CELF2: variants seen among roughly 807,000 people sequenced by gnomAD.
The protein encoded by CELF2 is CUG triplet repeat RNA-binding protein 2.
Under a neutral mutation model 62.6 loss-of-function variants are expected in CELF2, and 8 were observed. The ratio of observed to expected loss-of-function variants is 0.13; its 90% confidence interval spans 0.07 to 0.23. The LOEUF (loss-of-function observed/expected upper bound fraction) is 0.23, where lower values mean the gene tolerates loss of function less well. CELF2 is among the 10% of genes least tolerant of loss of function. The pLI, the probability that CELF2 is intolerant of heterozygous loss-of-function variation, is 1.00. For synonymous variants in CELF2, 258 were observed against 250.0 expected (o/e 1.03, Z -0.30); for missense variants, 333 against 671.0 (o/e 0.50, Z 5.56).
At chr10:10,482,183 T>C in the CELF2 span, among the ~76,000 whole-genome samples, 2 of 152,236 alleles carry the variant, frequency 1.3e-5, no homozygotes, top group African/African-American at 4.8e-5. Flanking sequence ...ATGCATTTCA[T>C]TGCATGGGGA....
At chr10:11,228,928 C>T (rs2067596394) in intron 3 of CELF2, among the ~76,000 whole-genome samples, 1 of 152,128 alleles carries the variant, frequency 6.6e-6, no homozygotes, top group South Asian at 2.1e-4. Context: ...TGATTTCAGT[C>T]GGTTCTGGTT....
chr10:10,482,043 A>T, the CELF2 span, among the ~76,000 whole-genome samples: 1 of 152,238 alleles, frequency 6.6e-6, no homozygotes, highest in Non-Finnish European at 1.5e-5. Context: ...AAGGGTTAGC[A>T]TGATAGAAAT....
the CELF2 span, among the ~76,000 whole-genome samples, chr10:10,693,295 T>C: frequency 5.9e-5 from 8 of 134,884 alleles, no homozygotes; most frequent in East Asian, 1.7e-3. Flanking sequence ...TGGCTCTGTT[T>C]ATATGCTGGA....
the CELF2 span, among the ~76,000 whole-genome samples, chr10:10,604,473 C>G: frequency 3.9e-5 from 6 of 152,174 alleles, no homozygotes; most frequent in African/African-American, 1.4e-4. Context: ...AGTAATAATT[C>G]TCAGAATCAT....
At chr10:10,674,938 T>C in the CELF2 span, among the ~76,000 whole-genome samples, 1 of 152,136 alleles carries the variant, frequency 6.6e-6, no homozygotes, top group East Asian at 1.9e-4. Context: ...TATAGAAGCA[T>C]ACACACACAG....
intron 1 of CELF2, among the ~76,000 whole-genome samples, chr10:10,859,671 G>A (rs10905848): frequency 3.3e-5 from 5 of 151,968 alleles, no homozygotes; most frequent in African/African-American, 1.2e-4. Context: ...TTTCGAATAA[G>A]TGGTTTATTC....
At chr10:11,096,339 G>T (rs2049866749) in intron 1 of CELF2, 1 of 152,200 alleles carries the variant, frequency 6.6e-6, no homozygotes, top group Admixed American at 6.5e-5. Context: ...AGAGGGAAGG[G>T]AGTCCGTCGT....
rs139340306 is a variant in CELF2 at position 11,218,581 on chromosome 10, C to T, written c.354+1074C>T. On this transcript the variant is annotated intron_variant, in intron 3 of 12. Transcript: ENST00000633077. ...AAGATTTTCACAACATGAGGTTCTT[C>T]ATCACCCAAAAGTCATAAATTAAGA... is the stretch of plus-strand genomic sequence containing the variant. Among the ~76,000 whole-genome samples the T allele has an allele frequency of 2.2e-3, 332 of 152,340 alleles. 1 individual carries two copies. Among genetic ancestry groups the T allele is most frequent in the African/African-American group, 7.7e-3 (320 of 41,582 alleles).
Position 11,242,555 on chromosome 10 carries a change from G to A in CELF2, c.355-6598G>A, listed in dbSNP as rs1200316230. Among the ~76,000 whole-genome samples, 1 of 152,230 alleles carries A rather than the reference G, an allele frequency of 6.6e-6. No individual in the cohort carries two copies. Among genetic ancestry groups the A allele is most frequent in the Non-Finnish European group, 1.5e-5 (1 of 68,032 alleles). On this transcript the variant is annotated intron_variant, in intron 3 of 12. Coordinates refer to ENST00000633077, the MANE Select transcript of CELF2 (RefSeq NM_001326342.2). The surrounding 1 kb of genome is among the most constrained non-coding windows in gnomAD (Gnocchi z 4.8). ...GGCCAGCTTCACGGCGGCACCAGGTGGTGACAGCTGTTGGCAGAGCTGTGT... is the reference window on the plus strand; with the variant it reads ...GGCCAGCTTCACGGCGGCACCAGGTAGTGACAGCTGTTGGCAGAGCTGTGT...
At chr10:10,493,519 CG>C in the CELF2 span, among the ~76,000 whole-genome samples, 16 of 10,306 alleles carry the variant, frequency 1.6e-3, no homozygotes, top group East Asian at 9.9e-3. Flanking sequence ...GGATTTTGGG[CG>C]TTTTTTTTTT....
chr10:10,806,396 G>T (rs537811460), intron 1 of CELF2, among the ~76,000 whole-genome samples: 87 of 152,084 alleles, frequency 5.7e-4, no homozygotes, highest in Non-Finnish European at 1.1e-3. Flanking sequence ...GTAGAGACAG[G>T]GCTTCACCAC....
chr10:10,854,940 C>G (rs1267157301), intron 1 of CELF2, among the ~76,000 whole-genome samples: 2 of 151,918 alleles, frequency 1.3e-5, no homozygotes, highest in East Asian at 3.9e-4. Context: ...ACCTGTCAAG[C>G]CTGGATGAAC....
intron 2 of CELF2, among the ~76,000 whole-genome samples, chr10:11,174,747 T>C (rs924203528): frequency 3.9e-5 from 6 of 152,258 alleles, no homozygotes; most frequent in African/African-American, 1.4e-4. Flanking sequence ...ATAGTAGTCT[T>C]CCAGCTTTGT....
the CELF2 span, among the ~76,000 whole-genome samples, chr10:10,767,214 ACCACCACTG>A: frequency 1.5e-5 from 2 of 129,778 alleles, no homozygotes; most frequent in African/African-American, 5.9e-5. Context: ...CAGTACCGCC[ACCACCACTG>A]CCACCACCAC....
In CELF2 at chr10:11,163,307, C is replaced by T. The variant is rs148089001; in HGVS notation, c.75-2179C>T. 7.2e-3 allele frequency among the ~76,000 whole-genome samples: 1,090 copies of T among 152,244 alleles called. 15 individuals are homozygous for T. Among genetic ancestry groups the T allele is most frequent in the African/African-American group, 0.025 (1,033 of 41,518 alleles). On this transcript the variant is annotated intron_variant, in intron 1 of 12. Transcript: ENST00000633077. ...TGTTAGCCGAGACCTGTGGCAATAC[C>T]TTCCTCTTTTCAATCTAGCTGGTTG... is the stretch of plus-strand genomic sequence containing the variant.
intron 2 of CELF2, among the ~76,000 whole-genome samples, chr10:10,973,603 A>C (rs1184105791): frequency 6.6e-6 from 1 of 152,086 alleles, no homozygotes; most frequent in Non-Finnish European, 1.5e-5. Context: ...GTCTCACTCA[A>C]ATGCCTAGGC....
chr10:11,074,150 C>T (rs543884499), intron 1 of CELF2, among the ~76,000 whole-genome samples: 1 of 152,128 alleles, frequency 6.6e-6, no homozygotes, highest in Admixed American at 6.5e-5. Flanking sequence ...CTTTTTTGAT[C>T]AGCAAAATGT....
chr10:10,640,038 A>G, the CELF2 span, among the ~76,000 whole-genome samples: 1 of 152,272 alleles, frequency 6.6e-6, no homozygotes, highest in African/African-American at 2.4e-5. Context: ...CCCATTTTAA[A>G]TGTCATCTCC....
At chr10:10,877,312 C>T (rs145986663) in intron 1 of CELF2, among the ~76,000 whole-genome samples, 2 of 152,320 alleles carry the variant, frequency 1.3e-5, no homozygotes, top group Non-Finnish European at 2.9e-5. Flanking sequence ...GACATGTGCC[C>T]AAGGTGATCA....
Sources: gnomAD v4.1 joint callset for allele counts (sites outside exome capture counted in the v4.1 genomes callset) on GRCh38, gnomAD v4.1.1 for gene constraint, Gnocchi (gnomAD v3.1) non-coding constraint, MANE v1.5 for transcripts, NCBI Gene and HGNC (gene_info 2026-07-23, HGNC 2026-07-21) for gene names.